The following DERA variants were observed in gnomAD, a reference collection of about 807,000 sequenced individuals.
DERA encodes the protein deoxyribose-phosphate aldolase.
Under a neutral mutation model 41.1 loss-of-function variants are expected in DERA, and 15 were observed. The observed-to-expected ratio is 0.37, with a 90% CI of 0.24 to 0.56. DERA has a LOEUF of 0.56. Among genes scored for constraint, DERA ranks in the 20% least tolerant of loss-of-function variants. DERA has a pLI of 0.81. For synonymous variants in DERA, 139 were observed against 137.4 expected (o/e 1.01, Z -0.08); for missense variants, 396 against 403.4 (o/e 0.98, Z 0.16).
chr12:15,977,588 G>A (rs2136159204), intron 5 of DERA, among the ~76,000 whole-genome samples: 1 of 152,326 alleles, frequency 6.6e-6, no homozygotes, highest in East Asian at 1.9e-4. Context: ...GAGAGTAGCT[G>A]GGATTACAGG....
intron 6 of DERA, among the ~76,000 whole-genome samples, chr12:15,997,763 C>G (rs956028748): frequency 1.3e-5 from 2 of 152,146 alleles, no homozygotes; most frequent in Non-Finnish European, 2.9e-5. Flanking sequence ...ACATACTTTT[C>G]AAATTGAACT....
At chr12:15,937,054 C>T (rs1948373533) in intron 1 of DERA, among the ~76,000 whole-genome samples, 1 of 152,042 alleles carries the variant, frequency 6.6e-6, no homozygotes, top group Non-Finnish European at 1.5e-5. Context: ...TTCACTGAAG[C>T]CTCAAGCTCC....
intron 1 of DERA, among the ~76,000 whole-genome samples, chr12:15,912,658 C>T (rs1565581001): frequency 6.6e-6 from 1 of 152,082 alleles, no homozygotes; most frequent in African/African-American, 2.4e-5. Flanking sequence ...CCTAGTAAGT[C>T]TTCAGTATAG....
chr12:15,967,682 C>A lies in DERA; in HGVS notation c.508+4735C>A, dbSNP rs1338134584. Among the ~76,000 whole-genome samples the A allele has an allele frequency of 5.9e-5, 9 of 152,032 alleles. No homozygotes were observed. The highest frequency in any genetic ancestry group is 1.2e-4 in the African/African-American group (5 of 41,406). ...ATTTGTTACTGTTTTTTTGCCTACT[C>A]CTTAGTGGTTAAGCTTTTTACTGTC... On this transcript the variant is annotated intron_variant, in intron 5 of 8. Coordinates refer to ENST00000428559, the MANE Select transcript of DERA (RefSeq NM_015954.4). The surrounding 1 kb of genome is among the most constrained non-coding windows in gnomAD (Gnocchi z 4.9).
chr12:15,964,355 C>T (rs951017069), intron 5 of DERA, among the ~76,000 whole-genome samples: 2 of 152,130 alleles, frequency 1.3e-5, no homozygotes, highest in African/African-American at 2.4e-5. Flanking sequence ...ATTTCCATTG[C>T]GTTCACCCCA....
chr12:15,923,057 C>G (rs549412326), intron 1 of DERA, among the ~76,000 whole-genome samples: 8 of 124,688 alleles, frequency 6.4e-5, no homozygotes, highest in Non-Finnish European at 1.3e-4. Context: ...GAGTCTCGCT[C>G]TGTCGCCCAG....
In DERA at chr12:15,988,587, G is replaced by A. The variant is rs777747865; in HGVS notation, c.637+6151G>A. ...TGCTGATTGGTCCATGGGCGGCCAT[G>A]GATGGGCCTGGAAAAAGCACCATCG... On this transcript the variant is annotated intron_variant, in intron 6 of 8. Transcript: ENST00000428559. This position sits in a 1 kb window ranked among gnomAD's most constrained non-coding sequence, Gnocchi z 6.0. 6.6e-6 allele frequency among the ~76,000 whole-genome samples: 1 copy of A among 152,138 alleles called. No homozygotes were observed. The highest frequency in any genetic ancestry group is 2.4e-5 in the African/African-American group (1 of 41,426).
At position 15,999,764 on chromosome 12, in the gene DERA, C is replaced by CTCAT. The variant is rs377654731; in HGVS notation, c.637+17342_637+17345dup. ...GAGGAATGAATGATTGACTGAGTAA[C>CTCAT]TCATTCATTCATTCATTTATTCAGT... On this transcript the variant is annotated intron_variant, in intron 6 of 8. Coordinates refer to ENST00000428559, the MANE Select transcript of DERA (RefSeq NM_015954.4). This position sits in a 1 kb window ranked among gnomAD's most constrained non-coding sequence, Gnocchi z 5.3. 1.3e-4 allele frequency among the ~76,000 whole-genome samples: 20 copies of CTCAT among 152,244 alleles called. No individual in the cohort carries two copies. The highest frequency in any genetic ancestry group is 3.1e-4 in the African/African-American group (13 of 41,540).
intron 6 of DERA, among the ~76,000 whole-genome samples, chr12:16,023,162 AT>A (rs1368397074): frequency 6.6e-6 from 1 of 152,172 alleles, no homozygotes; most frequent in African/African-American, 2.4e-5. Context: ...CTCCTCCCTC[AT>A]CTGTTACCAC....
rs1292080066 is a variant in DERA at position 15,967,341 on chromosome 12, C to G, written c.508+4394C>G. On this transcript the variant is annotated intron_variant, in intron 5 of 8. Coordinates refer to ENST00000428559, the MANE Select transcript of DERA (RefSeq NM_015954.4). The surrounding 1 kb of genome is among the most constrained non-coding windows in gnomAD (Gnocchi z 4.9). ...AGGTTGCAGTGAGCCATGATTGTGC[C>G]ACTGCACTCATAAGCCACTGCGCCT... Among the ~76,000 whole-genome samples the G allele has an allele frequency of 6.6e-6, 1 of 152,072 alleles. No individual in the cohort carries two copies. The highest frequency in any genetic ancestry group is 6.5e-5 in the Admixed American group (1 of 15,268).
rs762544203 is a variant in DERA at position 16,036,767 on chromosome 12, A to G, written c.*21A>G. On this transcript the variant is annotated 3_prime_UTR_variant, in exon 9 of 9. Coordinates refer to ENST00000428559, the MANE Select transcript of DERA (RefSeq NM_015954.4). The surrounding 1 kb of genome is among the most constrained non-coding windows in gnomAD (Gnocchi z 4.9). Reference sequence around the variant, plus strand: ...CTTAAATCAGTCACCAGTTCCAGAAAAGTTCTTTACGACAATGTTTAAAAA... The same window carrying G: ...CTTAAATCAGTCACCAGTTCCAGAAGAGTTCTTTACGACAATGTTTAAAAA... The G allele has an allele frequency of 5.2e-6, 8 of 1,548,078 alleles. No homozygotes were observed. The highest frequency in any genetic ancestry group is 7.0e-6 in the Non-Finnish European group (8 of 1,141,858).
rs1565588769 is a variant in DERA at position 15,936,954 on chromosome 12, T to TCCCGTCCCGC, written c.32-19980_32-19979insCGTCCCGCCC. 1.4e-5 allele frequency among the ~76,000 whole-genome samples: 2 copies of TCCCGTCCCGC among 146,958 alleles called. No individual in the cohort carries two copies. Among genetic ancestry groups the TCCCGTCCCGC allele is most frequent in the Admixed American group, 1.3e-4 (2 of 14,854 alleles). On this transcript the variant is annotated intron_variant, in intron 1 of 8. Coordinates refer to ENST00000428559, the MANE Select transcript of DERA (RefSeq NM_015954.4). The surrounding 1 kb of genome is among the most constrained non-coding windows in gnomAD (Gnocchi z 4.6). ...TCCTGTCTTGTCCTGTCCCGTCCTG[T>TCCCGTCCCGC]CCTGCCCTGCCCTGCCCTGTCTTGT...
rs564820819 is a variant in DERA, at chr12:16,010,534, C to T, written c.638-22008C>T. On this transcript the variant is annotated intron_variant, in intron 6 of 8. Transcript: ENST00000428559. This position sits in a 1 kb window ranked among gnomAD's most constrained non-coding sequence, Gnocchi z 5.5. ...TTGAGGAATCAAGGTCTCCGGTGGT[C>T]GCCAAGTGAAAAGGAATAAAGATAA... is the stretch of plus-strand genomic sequence containing the variant. 2.1e-4 allele frequency among the ~76,000 whole-genome samples: 30 copies of T among 143,684 alleles called. No individual in the cohort carries two copies. The highest frequency in any genetic ancestry group is 6.5e-4 in the African/African-American group (25 of 38,424). 94.3% of individuals were successfully genotyped at this position (143,684 alleles called of 152,430 possible).
chr12:15,936,508 G>T lies in DERA; in HGVS notation c.32-20428G>T, dbSNP rs1267769520. ...TTTCACTCATAGACATAAAAAGTTT[G>T]CACTTTAAAGAAATTAATATATTTT... On this transcript the variant is annotated intron_variant, in intron 1 of 8. Coordinates refer to ENST00000428559, the MANE Select transcript of DERA (RefSeq NM_015954.4). This position sits in a 1 kb window ranked among gnomAD's most constrained non-coding sequence, Gnocchi z 4.6. 1.3e-5 allele frequency among the ~76,000 whole-genome samples: 2 copies of T among 152,124 alleles called. No individual in the cohort carries two copies. The highest frequency in any genetic ancestry group is 2.9e-5 in the Non-Finnish European group (2 of 68,018).
Position 15,954,969 on chromosome 12 carries a change from C to T in DERA, c.32-1967C>T, listed in dbSNP as rs1206455606. ...GCTTGAAACAGTCTTTACCATGAACCAAATCAGCATTATCAATCATCTGAG... is the reference window on the plus strand; with the variant it reads ...GCTTGAAACAGTCTTTACCATGAACTAAATCAGCATTATCAATCATCTGAG... On this transcript the variant is annotated intron_variant, in intron 1 of 8. Coordinates refer to ENST00000428559, the MANE Select transcript of DERA (RefSeq NM_015954.4). This position sits in a 1 kb window ranked among gnomAD's most constrained non-coding sequence, Gnocchi z 4.0. 6.6e-6 allele frequency among the ~76,000 whole-genome samples: 1 copy of T among 151,512 alleles called. No individual in the cohort carries two copies. The highest frequency in any genetic ancestry group is 1.5e-5 in the Non-Finnish European group (1 of 67,922).
chr12:15,912,324 A>G (rs1332681141), intron 1 of DERA, among the ~76,000 whole-genome samples: 1 of 152,170 alleles, frequency 6.6e-6, no homozygotes, highest in African/African-American at 2.4e-5. Context: ...CAGAGAGCAC[A>G]GGGTTGGGGA....
rs932218907 is a variant in DERA, at chr12:16,001,886, C to T, written c.637+19450C>T. Reference sequence around the variant, plus strand: ...GGGAGCTTAGAGAGGAAACAAACCCCGGTATGGACTTTTCAGACAAAATAC... The same window carrying T: ...GGGAGCTTAGAGAGGAAACAAACCCTGGTATGGACTTTTCAGACAAAATAC... On this transcript the variant is annotated intron_variant, in intron 6 of 8. Transcript: ENST00000428559. This position sits in a 1 kb window ranked among gnomAD's most constrained non-coding sequence, Gnocchi z 4.1. 3.3e-5 allele frequency among the ~76,000 whole-genome samples: 5 copies of T among 152,096 alleles called. No individual in the cohort carries two copies. Among genetic ancestry groups the T allele is most frequent in the Non-Finnish European group, 5.9e-5 (4 of 68,030 alleles).
rs1385447149 is a variant in DERA at position 16,036,226 on chromosome 12, A to G, written c.751-6A>G. On this transcript the variant is annotated splice_polypyrimidine_tract_variant and splice_region_variant and intron_variant, in intron 7 of 8. Transcript: ENST00000428559. The surrounding 1 kb of genome is among the most constrained non-coding windows in gnomAD (Gnocchi z 4.9). ...AGATTGTTCTATTCTCTGCCTTCCC[A>G]TTTAGATAGGGTTTAAACCAGCAGG... is the stretch of plus-strand genomic sequence containing the variant. 1 of 1,594,254 alleles carries G rather than the reference A, an allele frequency of 6.3e-7. No individual in the cohort carries two copies. Among genetic ancestry groups the G allele is most frequent in the Non-Finnish European group, 8.5e-7 (1 of 1,172,266 alleles).
In DERA at chr12:15,940,976, A is replaced by T. The variant is rs1948404423; in HGVS notation, c.32-15960A>T. 6.6e-6 allele frequency among the ~76,000 whole-genome samples: 1 copy of T among 152,246 alleles called. No individual in the cohort carries two copies. On this transcript the variant is annotated intron_variant, in intron 1 of 8. Coordinates refer to ENST00000428559, the MANE Select transcript of DERA (RefSeq NM_015954.4). The surrounding 1 kb of genome is among the most constrained non-coding windows in gnomAD (Gnocchi z 5.1). ...AAATTGCAGATAATCAACTTTCCTG[A>T]GAAATGGGAATTGAGAGTAAAATTT... is the stretch of plus-strand genomic sequence containing the variant.
Sources: allele counts gnomAD v4.1 joint callset (sites outside exome capture counted in the v4.1 genomes callset), GRCh38; gene constraint gnomAD v4.1.1; non-coding constraint Gnocchi (gnomAD v3.1); transcripts MANE v1.5; gene names NCBI Gene and HGNC (gene_info 2026-07-23, HGNC 2026-07-21).